The following CST9 variants were observed in gnomAD, a reference collection of about 807,000 sequenced individuals.
CST9 encodes cystatin 9, also known as cystatin-9.
A neutral mutation model predicts 7.7 loss-of-function variants in CST9; 11 were observed. That is an observed-to-expected ratio of 1.44 (90% CI 0.90 to 2.38). CST9 has a LOEUF of 2.38. CST9 is among the 30% of genes most tolerant of loss of function. CST9 has a pLI of 0.00. For missense variants in CST9, 214 were observed against 199.1 expected (o/e 1.07, Z -0.45); for synonymous variants, 71 against 74.3 (o/e 0.96, Z 0.23).
rs1600346486 is a variant in CST9 at position 23,602,951 on chromosome 20, C to T, written c.*559G>A. 2 of 989,402 alleles carry T rather than the reference C, an allele frequency of 2.0e-6. No homozygotes were observed. Among genetic ancestry groups the T allele is most frequent in the Non-Finnish European group, 2.4e-6 (2 of 832,812 alleles). 61.3% of individuals were successfully genotyped at this position (989,402 alleles called of 1,614,324 possible). On this transcript the variant is annotated 3_prime_UTR_variant, in exon 2 of 2. Coordinates refer to ENST00000376971, the MANE Select transcript of CST9 (RefSeq NM_001008693.3). ...GGTCACTTGTGCCATGCCTCCTCCT[C>T]CAGCCCGTGCCCCTCAGGGGAACCC...
rs917170447 is a variant in CST9, at chr20:23,603,064, G to A, written c.*446C>T. On this transcript the variant is annotated 3_prime_UTR_variant, in exon 2 of 2. Coordinates refer to ENST00000376971, the MANE Select transcript of CST9 (RefSeq NM_001008693.3). ...AGCAGTTCCCAGACTTAGGCAATTA[G>A]TTACCTATTTGTTAATCTTACAATA... 2.1e-5 allele frequency: 21 copies of A among 1,015,590 alleles called. No individual in the cohort carries two copies. The highest frequency in any genetic ancestry group is 2.2e-5 in the Non-Finnish European group (19 of 849,088). 62.9% of individuals were successfully genotyped at this position (1,015,590 alleles called of 1,614,324 possible).
chr20:23,602,660 G>T lies in CST9; in HGVS notation c.*850C>A. 1 of 984,178 alleles carries T rather than the reference G, an allele frequency of 1.0e-6. No homozygotes were observed. The highest frequency in any genetic ancestry group is 1.2e-6 in the Non-Finnish European group (1 of 828,816). 61.0% of individuals were successfully genotyped at this position (984,178 alleles called of 1,614,324 possible). A position where few individuals can be genotyped will look rare whatever the true frequency, so the allele number is the denominator to read the frequency against. On this transcript the variant is annotated 3_prime_UTR_variant, in exon 2 of 2. Transcript: ENST00000376971. ...CCCTCTGAGCAGGTCTTGTTCAGGA[G>T]TTCAAAATATGTCTTCCAGGGCATG...
intron 1 of CST9, 24 bp downstream of exon 1, chr20:23,605,586 C>A (rs1978740111): frequency 6.2e-7 from 1 of 1,608,772 alleles, no homozygotes; most frequent in South Asian, 1.1e-5. Flanking sequence ...GAAGGACAGG[C>A]CAGAAGAGGA....
chr20:23,602,861 T>A lies in CST9; in HGVS notation c.*649A>T, dbSNP rs1978651451. 2 of 986,440 alleles carry A rather than the reference T, an allele frequency of 2.0e-6. No homozygotes were observed. The highest frequency in any genetic ancestry group is 2.4e-6 in the Non-Finnish European group (2 of 830,752). The allele number at this position is 986,440 out of a possible 1,614,324, so 61.1% of individuals were successfully genotyped here. ...GCCACGTGGCTCTGGCCTTCAGGTC[T>A]AGCCTGAGCCTGAGGCCAATCCTGA... On this transcript the variant is annotated 3_prime_UTR_variant, in exon 2 of 2. Coordinates refer to ENST00000376971, the MANE Select transcript of CST9 (RefSeq NM_001008693.3).
chr20:23,604,378 C>G (rs1254411280), intron 1 of CST9, among the ~76,000 whole-genome samples: 1 of 152,214 alleles, frequency 6.6e-6, no homozygotes, highest in African/African-American at 2.4e-5. Context: ...TCCCAGCCCC[C>G]AAACTGATGC....
intron 1 of CST9, among the ~76,000 whole-genome samples, chr20:23,604,566 C>A (rs1212973839): frequency 1.3e-5 from 2 of 152,190 alleles, no homozygotes; most frequent in African/African-American, 4.8e-5. Flanking sequence ...TGAGGCCTGG[C>A]CAATCTCAAT....
In CST9 at chr20:23,603,127, A is replaced by C; in HGVS notation, c.*383T>G. Reference sequence around the variant, plus strand: ...AAGAATGGGAAGTTTTCCCAGAGCCAGGCTTTGCTTGGAGCTCGTCCCCTA... The same window carrying C: ...AAGAATGGGAAGTTTTCCCAGAGCCCGGCTTTGCTTGGAGCTCGTCCCCTA... On this transcript the variant is annotated 3_prime_UTR_variant, in exon 2 of 2. Coordinates refer to ENST00000376971, the MANE Select transcript of CST9 (RefSeq NM_001008693.3). 9.5e-7 allele frequency: 1 copy of C among 1,048,122 alleles called. No homozygotes were observed. Among genetic ancestry groups the C allele is most frequent in the Non-Finnish European group, 1.1e-6 (1 of 870,542 alleles). The allele number at this position is 1,048,122 out of a possible 1,614,324, so 64.9% of individuals were successfully genotyped here.
intron 1 of CST9, among the ~76,000 whole-genome samples, chr20:23,604,843 C>T (rs1978718311): frequency 6.6e-6 from 1 of 152,236 alleles, no homozygotes; most frequent in Admixed American, 6.5e-5. Context: ...GCCTTTCTTT[C>T]AGGCTCTTGG....
chr20:23,603,374 G>GC lies in CST9; in HGVS notation c.*135dup. On this transcript the variant is annotated 3_prime_UTR_variant, in exon 2 of 2. Transcript: ENST00000376971. The stretch of plus-strand genomic sequence containing the variant: ...AGGCCATGTGGCCCAGGTGCAGGCA[G>GC]CTGCAATGGTGTCAGAGGGCAGAAT... 1 of 1,453,302 alleles carries GC rather than the reference G, an allele frequency of 6.9e-7. No individual in the cohort carries two copies. Among genetic ancestry groups the GC allele is most frequent in the Non-Finnish European group, 9.0e-7 (1 of 1,107,262 alleles). 90.0% of individuals were successfully genotyped at this position (1,453,302 alleles called of 1,614,324 possible).
chr20:23,603,706 T>C lies in CST9; in HGVS notation c.284A>G (p.Asn95Ser). ...ACATACGGTTTGGCGCAGTTGCAGA[T>C]TCATGGAGAACACCATCTTACCTCG... ...KWRGKMVFSM[N>S]LQLRQTVCRK... is the part of the protein sequence containing the mutation. Residue 95 changes from asparagine to serine, a missense_variant, in exon 2 of 2, where the codon AAT becomes AGT. Coordinates refer to ENST00000376971, the MANE Select transcript of CST9 (RefSeq NM_001008693.3). 2 of 1,614,254 alleles carry C rather than the reference T, an allele frequency of 1.2e-6. No individual in the cohort carries two copies. Among genetic ancestry groups the C allele is most frequent in the South Asian group, 2.2e-5 (2 of 91,090 alleles).
Position 23,603,211 on chromosome 20 carries a change from C to T in CST9, c.*299G>A. The T allele has an allele frequency of 8.0e-7, 1 of 1,246,452 alleles. No homozygotes were observed. Among genetic ancestry groups the T allele is most frequent in the South Asian group, 1.9e-5 (1 of 51,304 alleles). The allele number at this position is 1,246,452 out of a possible 1,614,324, so 77.2% of individuals were successfully genotyped here. The stretch of plus-strand genomic sequence containing the variant: ...CGAGGGCAGTGGGGCTTCTTCTCAG[C>T]CTCCACCACTTTTGGGTCTAGGGCA... On this transcript the variant is annotated 3_prime_UTR_variant, in exon 2 of 2. Transcript: ENST00000376971.
rs1261462903 is a variant in CST9 at position 23,603,449 on chromosome 20, T to C, written c.*61A>G. Reference sequence around the variant, plus strand: ...CCTGAAAGTGAACCCCTGGGCTTAATGCCTCACTGGGCTTCCCACTAAGGC... The same window carrying C: ...CCTGAAAGTGAACCCCTGGGCTTAACGCCTCACTGGGCTTCCCACTAAGGC... On this transcript the variant is annotated 3_prime_UTR_variant, in exon 2 of 2. Transcript: ENST00000376971. 7.6e-6 allele frequency: 12 copies of C among 1,578,888 alleles called. No homozygotes were observed. Among genetic ancestry groups the C allele is most frequent in the Non-Finnish European group, 8.6e-6 (10 of 1,161,408 alleles).
rs1158050437 is a variant in CST9, at chr20:23,603,014, C to G, written c.*496G>C. 1.5e-5 allele frequency: 15 copies of G among 1,002,464 alleles called. No individual in the cohort carries two copies. Among genetic ancestry groups the G allele is most frequent in the Non-Finnish European group, 1.5e-5 (13 of 840,760 alleles). The allele number at this position is 1,002,464 out of a possible 1,614,324, so 62.1% of individuals were successfully genotyped here. ...GTGTGATCCCTGCATCCAAGAGCAG[C>G]AGGAGAATGTTTTGTCCCAGTGGAA... is the stretch of plus-strand genomic sequence containing the variant. On this transcript the variant is annotated 3_prime_UTR_variant, in exon 2 of 2. Coordinates refer to ENST00000376971, the MANE Select transcript of CST9 (RefSeq NM_001008693.3).
In CST9 at chr20:23,602,738, C is replaced by T. The variant is rs921032704; in HGVS notation, c.*772G>A. On this transcript the variant is annotated 3_prime_UTR_variant, in exon 2 of 2. Coordinates refer to ENST00000376971, the MANE Select transcript of CST9 (RefSeq NM_001008693.3). ...GTCCGAGGGAACAAACAGGAAGAGA[C>T]AGTAGGGCGGGGTTTGGGGAGGTTC... is the stretch of plus-strand genomic sequence containing the variant. 8 of 985,542 alleles carry T rather than the reference C, an allele frequency of 8.1e-6. No individual in the cohort carries two copies. The highest frequency in any genetic ancestry group is 2.3e-4 in the East Asian group (2 of 8,820). The allele number at this position is 985,542 out of a possible 1,614,324, so 61.0% of individuals were successfully genotyped here.
In CST9 at chr20:23,605,546, A is replaced by G. The variant is rs1033889403; in HGVS notation, c.255+64T>C. ...GTGAACCAAGTCTCCTAGACTAGAC[A>G]TCTTGGTCCCTCACTTAGGGGCAGA... On this transcript the variant is annotated intron_variant, in intron 1 of 1. Coordinates refer to ENST00000376971, the MANE Select transcript of CST9 (RefSeq NM_001008693.3). 4.8e-5 allele frequency: 74 copies of G among 1,556,684 alleles called. No homozygotes were observed. In the Middle Eastern group the frequency reaches 5.5e-4, roughly 12 times the overall value.
chr20:23,603,695 G>A lies in CST9; in HGVS notation c.295C>T (p.Arg99Cys), dbSNP rs200664009. 51 of 1,614,222 alleles carry A rather than the reference G, an allele frequency of 3.2e-5. No homozygotes were observed. Among genetic ancestry groups the A allele is most frequent in the East Asian group, 2.9e-4 (13 of 44,886 alleles). The stretch of plus-strand genomic sequence containing the variant: ...TCAAATTTCCTACATACGGTTTGGC[G>A]CAGTTGCAGATTCATGGAGAACACC... The part of the protein sequence containing the change: ...KMVFSMNLQL[R>C]QTVCRKFEDD... The change falls in exon 2 of 2, where the codon CGC becomes TGC. Residue 99 changes from arginine (R) to cysteine (C), a missense_variant. Transcript: ENST00000376971.
In CST9 at chr20:23,605,761, A is replaced by C. The variant is rs764454435; in HGVS notation, c.104T>G (p.Met35Arg). The C allele has an allele frequency of 1.7e-5, 28 of 1,614,074 alleles. No individual in the cohort carries two copies. The Admixed American group carries it at 4.0e-4, about 23-fold the overall frequency. Residue 35 changes from methionine to arginine, a missense_variant, in exon 1 of 2, where the codon ATG becomes AGG. Physicochemically the swap from Met to Arg is moderately conservative, Grantham distance 91. Transcript: ENST00000376971. ...CTGGACTATTTTATTATTACCACCC[A>C]TTTCCTCTTCAGAACACCAGGCATA... Reference protein sequence around the residue: ...VTYAWCSEEEMGGNNKIVQDP... With the variant: ...VTYAWCSEEERGGNNKIVQDP...
rs775403422 is a variant in CST9, at chr20:23,605,827, G to T, written c.38C>A (p.Ala13Glu). The part of the protein sequence containing the change: ...SPQRRKAMPW[A>E]LSLLLMGFQL... ...GAAGCCCATGAGAAGCAGTGACAGT[G>T]CCCAGGGCATAGCCTTCCTCCTCTG... The change falls in exon 1 of 2, where the codon GCA becomes GAA. Residue 13 changes from alanine to glutamate, a missense_variant. By Grantham distance (107) the Ala-to-Glu change is moderately radical (BLOSUM62 -1). Transcript: ENST00000376971. 2.5e-6 allele frequency: 4 copies of T among 1,614,184 alleles called. No individual in the cohort carries two copies. The highest frequency in any genetic ancestry group is 3.4e-6 in the Non-Finnish European group (4 of 1,180,018).
At chr20:23,603,839 A>C in intron 1 of CST9, 105 bp from the exon 2 acceptor site, 3 of 1,188,830 alleles carry the variant, frequency 2.5e-6, no homozygotes, top group South Asian at 2.7e-5. Flanking sequence ...ACTTTACTGC[A>C]TTTGAGAGCT....
Sources: gnomAD v4.1 joint callset for allele counts (sites outside exome capture counted in the v4.1 genomes callset) on GRCh38, gnomAD v4.1.1 for gene constraint, MANE v1.5 for transcripts, NCBI Gene and HGNC (gene_info 2026-07-23, HGNC 2026-07-21) for gene names.